MARCHF3: variants seen among roughly 807,000 people sequenced by gnomAD.
MARCHF3 encodes membrane associated ring-CH-type finger 3.
A neutral mutation model predicts 24.2 loss-of-function variants in MARCHF3; 13 were observed. The ratio of observed to expected loss-of-function variants is 0.54; its 90% CI spans 0.35 to 0.85. The LOEUF is 0.85. Among genes scored for constraint, MARCHF3 ranks in the 40% least tolerant of loss-of-function variants. The pLI, the probability that MARCHF3 is intolerant of heterozygous loss-of-function variation, is 0.01. For synonymous variants in MARCHF3, 144 were observed against 137.3 expected (o/e 1.05, Z -0.34); for missense variants, 276 against 325.0 (o/e 0.85, Z 1.16).
Position 126,918,179 on chromosome 5 carries a change from G to A in MARCHF3, c.-8C>T. ...GCAGCGGCTGGTTGTCATGGTAACA[G>A]ACAGCAATTACTCTGCTAATGGCTT... On this transcript the variant is annotated 5_prime_UTR_variant, in exon 2 of 5. Coordinates refer to ENST00000308660, the MANE Select transcript of MARCHF3 (RefSeq NM_178450.5). 1.2e-6 allele frequency: 2 copies of A among 1,611,118 alleles called. No individual in the cohort carries two copies. Among genetic ancestry groups the A allele is most frequent in the Non-Finnish European group, 1.7e-6 (2 of 1,178,874 alleles).
rs188640656 is a variant in MARCHF3, at chr5:126,948,807, C to A, written c.-56-30580G>T. Reference sequence around the variant, plus strand: ...TGAAACCCCCATATGATGGTGCTACCGTGATGCTGGAAAGGATGACTTCAA... The same window carrying A: ...TGAAACCCCCATATGATGGTGCTACAGTGATGCTGGAAAGGATGACTTCAA... On this transcript the variant is annotated intron_variant, in intron 1 of 4. Transcript: ENST00000308660. 1.1e-4 allele frequency among the ~76,000 whole-genome samples: 16 copies of A among 152,232 alleles called. No individual in the cohort carries two copies. In the East Asian group the frequency reaches 3.1e-3, roughly 29 times the overall value.
intron 3 of MARCHF3, among the ~76,000 whole-genome samples, chr5:126,882,263 C>G (rs1398223075): frequency 1.3e-5 from 2 of 152,154 alleles, no homozygotes; most frequent in African/African-American, 4.8e-5. Context: ...AACTTTTCAG[C>G]TAGGTGGGAC....
rs1477550546 is a variant in MARCHF3 at position 126,909,215 on chromosome 5, C to G, written c.393+5715G>C. Among the ~76,000 whole-genome samples the G allele has an allele frequency of 7.2e-5, 11 of 152,236 alleles. No individual in the cohort carries two copies. The South Asian group carries it at 2.3e-3, about 31-fold the overall frequency. On this transcript the variant is annotated intron_variant, in intron 3 of 4. Transcript: ENST00000308660. ...GCTGCATGCTGGGAGAACCACTGCT[C>G]TTTTCAAAGCTGTCAGACAGGGACA...
intron 1 of MARCHF3, among the ~76,000 whole-genome samples, chr5:126,936,682 T>C (rs1445150929): frequency 1.3e-5 from 2 of 152,188 alleles, no homozygotes; most frequent in Non-Finnish European, 2.9e-5. Context: ...GTTGAACAAA[T>C]AGCATTTTAT....
At chr5:126,913,976 CTTT>C (rs1169856446) in intron 3 of MARCHF3, among the ~76,000 whole-genome samples, 2 of 107,904 alleles carry the variant, frequency 1.9e-5, no homozygotes, top group Non-Finnish European at 3.5e-5. Flanking sequence ...CAATATCCAA[CTTT>C]TTTTTTTTTT....
intron 1 of MARCHF3, among the ~76,000 whole-genome samples, chr5:127,014,156 G>C (rs995561153): frequency 1.3e-5 from 2 of 151,922 alleles, no homozygotes; most frequent in East Asian, 3.9e-4. Flanking sequence ...ATCTGATAAG[G>C]GATTAATATC....
chr5:126,894,335 G>C (rs1168097264), intron 3 of MARCHF3, among the ~76,000 whole-genome samples: 1 of 150,654 alleles, frequency 6.6e-6, no homozygotes, highest in African/African-American at 2.5e-5. Flanking sequence ...CTGTCATTAT[G>C]ATGTTAGCTG....
intron 1 of MARCHF3, among the ~76,000 whole-genome samples, chr5:126,931,118 A>T (rs1749467124): frequency 6.6e-6 from 1 of 152,188 alleles, no homozygotes; most frequent in Admixed American, 6.5e-5. Flanking sequence ...CTCTGAGGAG[A>T]TTCTGAAATG....
At chr5:127,028,649 T>C (rs535976806) in intron 1 of MARCHF3, among the ~76,000 whole-genome samples, 1 of 151,962 alleles carries the variant, frequency 6.6e-6, no homozygotes, top group East Asian at 1.9e-4. Context: ...ATACATGCCA[T>C]ACTGCAAAGC....
At chr5:126,948,571 G>A (rs542105573) in intron 1 of MARCHF3, among the ~76,000 whole-genome samples, 8 of 152,304 alleles carry the variant, frequency 5.3e-5, no homozygotes, top group Middle Eastern at 3.4e-3. Flanking sequence ...TGAAAGCAGC[G>A]TGAAGTCAGA....
At chr5:127,022,582 T>C (rs1042063177) in intron 1 of MARCHF3, among the ~76,000 whole-genome samples, 9 of 152,226 alleles carry the variant, frequency 5.9e-5, no homozygotes, top group African/African-American at 2.2e-4. Flanking sequence ...GAACATCTAC[T>C]AGTTGCAAGA....
intron 3 of MARCHF3, among the ~76,000 whole-genome samples, chr5:126,911,589 A>T (rs969217127): frequency 1.3e-5 from 2 of 152,234 alleles, no homozygotes; most frequent in Non-Finnish European, 2.9e-5. Flanking sequence ...ATTCATTCAC[A>T]TCTGACTAAC....
chr5:126,954,087 C>T (rs1259741578), intron 1 of MARCHF3, among the ~76,000 whole-genome samples: 2 of 151,994 alleles, frequency 1.3e-5, no homozygotes, highest in Non-Finnish European at 2.9e-5. Context: ...CACCCTGTCG[C>T]CCAGGCGCAA....
chr5:126,912,146 C>T (rs921028265), intron 3 of MARCHF3, among the ~76,000 whole-genome samples: 6 of 152,224 alleles, frequency 3.9e-5, no homozygotes, highest in African/African-American at 1.4e-4. Context: ...GTACATACAA[C>T]AGCCCTGGGT....
intron 1 of MARCHF3, among the ~76,000 whole-genome samples, chr5:126,995,043 A>C (rs1751903974): frequency 6.6e-6 from 1 of 152,240 alleles, no homozygotes; most frequent in Non-Finnish European, 1.5e-5. Context: ...GCAGCTGATT[A>C]GATGGTGCCC....
intron 3 of MARCHF3, among the ~76,000 whole-genome samples, chr5:126,894,774 G>A (rs1353776810): frequency 6.6e-6 from 1 of 151,998 alleles, no homozygotes; most frequent in African/African-American, 2.4e-5. Flanking sequence ...TGGTGAATCT[G>A]ACAATTATGT....
intron 2 of MARCHF3, among the ~76,000 whole-genome samples, chr5:126,916,209 T>C (rs1289867587): frequency 6.6e-6 from 1 of 152,198 alleles, no homozygotes; most frequent in East Asian, 1.9e-4. Context: ...GAGAGGACCA[T>C]GCCTCTCTGA....
intron 3 of MARCHF3, among the ~76,000 whole-genome samples, chr5:126,899,605 G>C (rs1455934523): frequency 6.6e-6 from 1 of 152,132 alleles, no homozygotes; most frequent in Non-Finnish European, 1.5e-5. Context: ...AAAGTCACTT[G>C]AAAATGAAGA....
Position 126,892,748 on chromosome 5 carries a change from C to T in MARCHF3, c.394-14354G>A, listed in dbSNP as rs187893519. 2.7e-5 allele frequency among the ~76,000 whole-genome samples: 4 copies of T among 149,622 alleles called. 1 individual carries two copies. The highest frequency in any genetic ancestry group is 1.0e-4 in the African/African-American group (4 of 39,512). On this transcript the variant is annotated intron_variant, in intron 3 of 4. Transcript: ENST00000308660. Reference sequence around the variant, plus strand: ...TCATCAAGGATATTGGTCTAAAATTCTCTTTTTTTGTTATGTCTCTGCCTG... The same window carrying T: ...TCATCAAGGATATTGGTCTAAAATTTTCTTTTTTTGTTATGTCTCTGCCTG...
Sources: gnomAD v4.1 joint callset for allele counts (sites outside exome capture counted in the v4.1 genomes callset) on GRCh38, gnomAD v4.1.1 for gene constraint, MANE v1.5 for transcripts, NCBI Gene and HGNC (gene_info 2026-07-23, HGNC 2026-07-21) for gene names.